Variants in HAPSTR1 observed in about 807,000 individuals in gnomAD.
HAPSTR1 encodes the protein HUWE1-associated protein modifying stress responses 1.
chr16:9,093,838 G>T, the HAPSTR1 span, among the ~76,000 whole-genome samples: 1 of 151,522 alleles, frequency 6.6e-6, no homozygotes, highest in Non-Finnish European at 1.5e-5. Context: ...GAAATTTGGG[G>T]TTGATTTTTT....
chr16:9,104,550 T>C, the HAPSTR1 span: 5 of 152,236 alleles, frequency 3.3e-5, no homozygotes, highest in African/African-American at 1.2e-4. Context: ...GTAGAGATCT[T>C]GTTCTCTCTG....
At chr16:9,115,879 G>A in the HAPSTR1 span, among the ~76,000 whole-genome samples, 103 of 152,228 alleles carry the variant, frequency 6.8e-4, no homozygotes, top group African/African-American at 2.4e-3. Context: ...CAAAGTGCTG[G>A]GATTACAGGT....
At chr16:9,105,048 T>C in the HAPSTR1 span, 1 of 152,162 alleles carries the variant, frequency 6.6e-6, no homozygotes, top group Non-Finnish European at 1.5e-5. Flanking sequence ...GTGTACATAA[T>C]AGTAAAAAGG....
At chr16:9,106,254 A>G in the HAPSTR1 span, 1 of 152,158 alleles carries the variant, frequency 6.6e-6, no homozygotes, top group Non-Finnish European at 1.5e-5. Context: ...ATTTAAAGAA[A>G]AAAAAGTAAG....
chr16:9,093,537 TGAAA>T, the HAPSTR1 span, among the ~76,000 whole-genome samples: 1 of 152,222 alleles, frequency 6.6e-6, no homozygotes, highest in Non-Finnish European at 1.5e-5. Context: ...TTGAAGTGCT[TGAAA>T]GCTTGCTAAT....
chr16:9,095,268 T>A, the HAPSTR1 span, among the ~76,000 whole-genome samples: 1 of 152,040 alleles, frequency 6.6e-6, no homozygotes, highest in Non-Finnish European at 1.5e-5. Flanking sequence ...CCTCACACTT[T>A]TTCTTTTTCA....
chr16:9,094,625 G>A, the HAPSTR1 span, among the ~76,000 whole-genome samples: 2 of 152,052 alleles, frequency 1.3e-5, no homozygotes, highest in African/African-American at 4.8e-5. Context: ...ATTGTGTCTG[G>A]CTTGTTCCAG....
the HAPSTR1 span, among the ~76,000 whole-genome samples, chr16:9,115,073 A>G: frequency 6.6e-6 from 1 of 152,140 alleles, no homozygotes; most frequent in South Asian, 2.1e-4. Context: ...GGGCACCTAG[A>G]GTGCGGAGTT....
At chr16:9,116,038 A>T in the HAPSTR1 span, among the ~76,000 whole-genome samples, 1 of 152,242 alleles carries the variant, frequency 6.6e-6, no homozygotes, top group Non-Finnish European at 1.5e-5. Context: ...TCTACCAAAT[A>T]CATTCCAGAC....
At chr16:9,099,556 C>T in the HAPSTR1 span, among the ~76,000 whole-genome samples, 6 of 152,288 alleles carry the variant, frequency 3.9e-5, no homozygotes, top group Non-Finnish European at 8.8e-5. Flanking sequence ...ATTGACATTT[C>T]AGTGCTTGTG....
At chr16:9,110,412 G>A in the HAPSTR1 span, 7 of 152,130 alleles carry the variant, frequency 4.6e-5, no homozygotes, top group South Asian at 1.5e-3. Flanking sequence ...CCCTAGAAAA[G>A]GGAAGCTCAT....
chr16:9,093,842 A>AT, the HAPSTR1 span, among the ~76,000 whole-genome samples: 874 of 146,090 alleles, frequency 6.0e-3, 8 homozygotes, highest in African/African-American at 0.02. Flanking sequence ...TTTGGGGTTG[A>AT]TTTTTTTTTT....
chr16:9,114,947 T>C, the HAPSTR1 span, among the ~76,000 whole-genome samples: 6 of 152,210 alleles, frequency 3.9e-5, no homozygotes, highest in Admixed American at 3.3e-4. Context: ...TTGGAAAGGT[T>C]GAGAGGCTGA....
the HAPSTR1 span, among the ~76,000 whole-genome samples, chr16:9,102,392 C>G: frequency 6.6e-6 from 1 of 152,146 alleles, no homozygotes; most frequent in Non-Finnish European, 1.5e-5. Flanking sequence ...TCTAGGAGAT[C>G]TGTTGGGAAT....
chr16:9,103,017 T>C, the HAPSTR1 span: 18 of 1,614,042 alleles, frequency 1.1e-5, no homozygotes, highest in African/African-American at 5.3e-5. Flanking sequence ...AGTTTTGATA[T>C]TGGAATTCAG....
chr16:9,103,092 G>C, the HAPSTR1 span: 2 of 1,614,064 alleles, frequency 1.2e-6, no homozygotes, highest in Non-Finnish European at 1.7e-6. Flanking sequence ...AGAACTATTC[G>C]TCGAGAAGAT....
At chr16:9,115,535 G>C in the HAPSTR1 span, among the ~76,000 whole-genome samples, 2 of 152,178 alleles carry the variant, frequency 1.3e-5, no homozygotes, top group Non-Finnish European at 2.9e-5. Flanking sequence ...TTTAGGAGTG[G>C]AATGTAAGTT....
chr16:9,114,329 A>AC, the HAPSTR1 span, among the ~76,000 whole-genome samples: 1 of 151,826 alleles, frequency 6.6e-6, no homozygotes. Context: ...GCAGAAGGGA[A>AC]CCCCACCAAG....
At chr16:9,093,273 C>T in the HAPSTR1 span, among the ~76,000 whole-genome samples, 3 of 152,146 alleles carry the variant, frequency 2.0e-5, no homozygotes, top group South Asian at 4.1e-4. Context: ...TGTATAGAGG[C>T]TGCTGAAGGT....
Sources: gnomAD v4.1 joint callset for allele counts (sites outside exome capture counted in the v4.1 genomes callset) on GRCh38, gnomAD v4.1.1 for gene constraint, MANE v1.5 for transcripts, NCBI Gene and HGNC (gene_info 2026-07-23, HGNC 2026-07-21) for gene names.